Variants in GPC3 observed in about 807,000 individuals in gnomAD.
The protein encoded by GPC3 is glypican-3.
A neutral mutation model predicts 34.4 loss-of-function variants in GPC3; 3 were observed. That is an observed-to-expected ratio of 0.09 (90% CI 0.04 to 0.23). The LOEUF is 0.23. Among genes scored for constraint, GPC3 ranks in the 10% least tolerant of loss-of-function variants. The pLI, the probability that GPC3 is intolerant of heterozygous loss-of-function variation, is 1.00. For missense variants in GPC3, 351 were observed against 445.6 expected (o/e 0.79, Z 1.91); for synonymous variants, 177 against 174.0 (o/e 1.02, Z -0.13).
At chrX:133,869,933 C>T (rs1387713365) in intron 2 of GPC3, among the ~76,000 whole-genome samples, 7 of 111,857 alleles carry the variant, frequency 6.3e-5, no homozygotes, top group African/African-American at 9.8e-5. Context: ...CCAGCCTAGG[C>T]GATAGAGCGA....
chrX:133,978,719 T>C (rs750728809), intron 1 of GPC3, among the ~76,000 whole-genome samples: 1 of 112,433 alleles, frequency 8.9e-6, no homozygotes, highest in Admixed American at 9.5e-5. Context: ...ACTCCGTTCA[T>C]TCATTCAGTC....
chrX:133,836,940 G>A lies in GPC3; in HGVS notation c.338-82764C>T, dbSNP rs762412013. 6.3e-5 allele frequency among the ~76,000 whole-genome samples: 7 copies of A among 111,695 alleles called. No individual in the cohort carries two copies. In the East Asian group the frequency reaches 1.4e-3, roughly 22 times the overall value. ...GTGAGCAGATGCACTGAGTGACTTC[G>A]TTCTGGAATAATCTTTTCAAGACTG... is the stretch of plus-strand genomic sequence containing the variant. On this transcript the variant is annotated intron_variant, in intron 2 of 7. Coordinates refer to ENST00000370818, the MANE Select transcript of GPC3 (RefSeq NM_004484.4).
rs1428564949 is a variant in GPC3, at chrX:133,919,867, A to G, written c.337+33183T>C. Among the ~76,000 whole-genome samples the G allele has an allele frequency of 1.3e-4, 14 of 108,683 alleles. No homozygotes were observed. The Admixed American group carries it at 1.4e-3, about 11-fold the overall frequency. The allele number at this position is 108,683 out of a possible 115,157, so 94.4% of individuals were successfully genotyped here. ...AAAAAAAAAAAAAAATCTGAGTTGAAACTGAGATTCTGCCGGGTACAGTGG... is the reference window on the plus strand; with the variant it reads ...AAAAAAAAAAAAAAATCTGAGTTGAGACTGAGATTCTGCCGGGTACAGTGG... On this transcript the variant is annotated intron_variant, in intron 2 of 7. Coordinates refer to ENST00000370818, the MANE Select transcript of GPC3 (RefSeq NM_004484.4).
At chrX:133,831,734 A>G (rs1329722687) in intron 2 of GPC3, among the ~76,000 whole-genome samples, 1 of 108,536 alleles carries the variant, frequency 9.2e-6, no homozygotes, top group African/African-American at 3.6e-5. Flanking sequence ...CAAAACAAAA[A>G]AACCTCAACT....
chrX:133,619,943 G>A (rs368786358), intron 6 of GPC3, among the ~76,000 whole-genome samples: 183 of 110,597 alleles, frequency 1.7e-3, no homozygotes, highest in African/African-American at 5.4e-3. Context: ...TACTCTTGCC[G>A]GGCATGGTAG....
At chrX:133,711,947 T>C (rs926377148) in intron 3 of GPC3, among the ~76,000 whole-genome samples, 4 of 112,282 alleles carry the variant, frequency 3.6e-5, no homozygotes, top group Admixed American at 9.5e-5. Flanking sequence ...TATGTGAAAA[T>C]ATATGAAGTG....
At chrX:133,662,026 A>T (rs1336282702) in intron 5 of GPC3, among the ~76,000 whole-genome samples, 176 bp from the exon 6 acceptor site, 1 of 111,184 alleles carries the variant, frequency 9.0e-6, no homozygotes, top group East Asian at 2.9e-4. Flanking sequence ...TTCGTTCAAC[A>T]ATCAACAAAT....
At chrX:133,952,436 T>C (rs1431469997) in intron 2 of GPC3, among the ~76,000 whole-genome samples, 2 of 112,064 alleles carry the variant, frequency 1.8e-5, no homozygotes, top group Non-Finnish European at 3.8e-5. Flanking sequence ...GGTGTTAGAA[T>C]TGAAGGAGGT....
intron 7 of GPC3, among the ~76,000 whole-genome samples, chrX:133,591,699 T>C (rs2069849787): frequency 8.9e-6 from 1 of 112,137 alleles, no homozygotes; most frequent in Non-Finnish European, 1.9e-5. Context: ...TCTATTTAGA[T>C]TTTGAAAAGG....
chrX:133,942,520 T>C (rs1429199033), intron 2 of GPC3, among the ~76,000 whole-genome samples: 4 of 111,986 alleles, frequency 3.6e-5, no homozygotes, highest in Non-Finnish European at 7.5e-5. Flanking sequence ...GAAAAAGCAG[T>C]ATAGTCAATT....
chrX:133,880,538 A>G (rs376402751), intron 2 of GPC3, among the ~76,000 whole-genome samples: 1 of 111,976 alleles, frequency 8.9e-6, no homozygotes, highest in Non-Finnish European at 1.9e-5. Flanking sequence ...TTTTAAAAAG[A>G]CCATTCCACA....
intron 7 of GPC3, among the ~76,000 whole-genome samples, chrX:133,571,991 C>A (rs1002114857): frequency 9.0e-6 from 1 of 111,565 alleles, no homozygotes; most frequent in East Asian, 2.8e-4. Context: ...TTTATTATAG[C>A]TTCATATTAA....
chrX:133,574,658 T>A (rs1468578284), intron 7 of GPC3, among the ~76,000 whole-genome samples: 1 of 112,396 alleles, frequency 8.9e-6, no homozygotes, highest in Non-Finnish European at 1.9e-5. Flanking sequence ...GTGAATTATG[T>A]GATTATGTCT....
intron 2 of GPC3, among the ~76,000 whole-genome samples, chrX:133,902,938 A>G (rs1720191404): frequency 9.0e-6 from 1 of 111,415 alleles, no homozygotes; most frequent in Non-Finnish European, 1.9e-5. Flanking sequence ...CACTGTCATT[A>G]AAAGTCTTTA....
intron 2 of GPC3, among the ~76,000 whole-genome samples, chrX:133,909,149 A>C (rs1296958731): frequency 1.8e-5 from 2 of 112,222 alleles, no homozygotes; most frequent in Non-Finnish European, 3.8e-5. Context: ...TTATTTGTTA[A>C]ATAAACGAAT....
At chrX:133,837,634 T>C (rs1323312797) in intron 2 of GPC3, among the ~76,000 whole-genome samples, 2 of 111,755 alleles carry the variant, frequency 1.8e-5, no homozygotes, top group Non-Finnish European at 3.8e-5. Context: ...TAACCCAACA[T>C]GTCTTCAAAG....
chrX:133,600,946 A>C, intron 6 of GPC3, among the ~76,000 whole-genome samples: 1 of 112,396 alleles, frequency 8.9e-6, no homozygotes. Context: ...AAGGCACACA[A>C]TAATGATTAT....
chrX:133,559,502 T>C (rs773101670), intron 7 of GPC3, among the ~76,000 whole-genome samples: 1 of 110,959 alleles, frequency 9.0e-6, no homozygotes, highest in East Asian at 2.9e-4. Flanking sequence ...AAACCCCCCG[T>C]AGGCCAAGGT....
At chrX:133,859,791 A>G (rs1292053835) in intron 2 of GPC3, among the ~76,000 whole-genome samples, 2 of 111,835 alleles carry the variant, frequency 1.8e-5, no homozygotes, top group African/African-American at 6.5e-5. Flanking sequence ...TGTTTGTACT[A>G]TTATAAAGGC....
Sources: gnomAD v4.1 joint callset for allele counts (sites outside exome capture counted in the v4.1 genomes callset) on GRCh38, gnomAD v4.1.1 for gene constraint, MANE v1.5 for transcripts, NCBI Gene and HGNC (gene_info 2026-07-23, HGNC 2026-07-21) for gene names.